Variants in USH2A observed in about 807,000 individuals in gnomAD.
USH2A encodes the protein Usher syndrome 2A (autosomal recessive, mild).
A neutral mutation model predicts 538.9 loss-of-function variants in USH2A; 443 were observed. That is an observed-to-expected ratio of 0.82 (90% CI 0.76 to 0.89). The LOEUF is 0.89. USH2A is among the 40% of genes least tolerant of loss of function. The pLI is 0.00. For missense variants in USH2A, 6,633 were observed against 6,324.8 expected (o/e 1.05, Z -1.65); for synonymous variants, 2,413 against 2,273.5 (o/e 1.06, Z -1.75).
At chr1:216,246,186 ATTC>A (rs2036040984) in intron 13 of USH2A, among the ~76,000 whole-genome samples, 1 of 152,210 alleles carries the variant, frequency 6.6e-6, no homozygotes, top group African/African-American at 2.4e-5. Flanking sequence ...AGCCAGCTTT[ATTC>A]AGAGATTTAG....
chr1:216,311,797 C>A (rs1383383920), intron 9 of USH2A, among the ~76,000 whole-genome samples: 1 of 152,062 alleles, frequency 6.6e-6, no homozygotes, highest in East Asian at 1.9e-4. Flanking sequence ...TAAAAGGTGG[C>A]ATGAGTACCT....
intron 25 of USH2A, 134 bp from the exon 26 acceptor site, chr1:216,083,720 G>T: frequency 1.1e-6 from 1 of 899,348 alleles, no homozygotes; most frequent in Non-Finnish European, 1.7e-6. Flanking sequence ...TCAATGTTAA[G>T]AAATTCCTTT....
At chr1:216,014,085 A>AAGAGAG (rs35678269) in intron 32 of USH2A, among the ~76,000 whole-genome samples, 1 of 145,250 alleles carries the variant, frequency 6.9e-6, no homozygotes, top group Non-Finnish European at 1.5e-5. Context: ...AGCATGAAAA[A>AAGAGAG]AGAGAGAGAG....
chr1:215,689,252 G>A (rs1327442233), intron 61 of USH2A, among the ~76,000 whole-genome samples: 2 of 152,078 alleles, frequency 1.3e-5, no homozygotes, highest in Admixed American at 6.6e-5. Flanking sequence ...CACATTTGAG[G>A]GTCCTTGGAC....
rs1266573598 is a variant in USH2A at position 215,817,119 on chromosome 1, A to G, written c.9448T>C (p.Trp3150Arg). The stretch of plus-strand genomic sequence containing the variant: ...TTTTGAGTTTTAGCGCATGGATACC[A>G]TGTTTTCCATAGGAGATCATATCCA... ...ILGYDLLWKTWYPCAKTQKLV... is the reference protein window; with the variant it reads ...ILGYDLLWKTRYPCAKTQKLV... The change falls in exon 48 of 72, where the codon TGG becomes CGG. Residue 3150 changes from tryptophan to arginine, a missense_variant. Physicochemically the swap from Trp to Arg is moderately radical, Grantham distance 101. Transcript: ENST00000307340. 6.2e-7 allele frequency: 1 copy of G among 1,612,742 alleles called. No homozygotes were observed. Among genetic ancestry groups the G allele is most frequent in the African/African-American group, 1.3e-5 (1 of 74,858 alleles).
intron 21 of USH2A, among the ~76,000 whole-genome samples, chr1:216,166,622 G>A (rs1379879539): frequency 6.6e-6 from 1 of 152,072 alleles, no homozygotes; most frequent in Admixed American, 6.6e-5. Context: ...GCCAGAGGAG[G>A]AATCATTAAT....
intron 21 of USH2A, among the ~76,000 whole-genome samples, chr1:216,120,419 A>G (rs1231252695): frequency 6.6e-6 from 1 of 151,572 alleles, no homozygotes; most frequent in Non-Finnish European, 1.5e-5. Flanking sequence ...TCGCTCTGTC[A>G]CCCAGGCTGG....
intron 47 of USH2A, among the ~76,000 whole-genome samples, chr1:215,837,406 G>T (rs1166952103): frequency 1.3e-5 from 2 of 151,934 alleles, no homozygotes; most frequent in African/African-American, 4.8e-5. Context: ...CTTATTTTCA[G>T]CTTTGGAAAC....
chr1:216,325,546 T>C lies in USH2A; in HGVS notation c.902A>G (p.His301Arg), dbSNP rs758834041. The change falls in exon 6 of 72, where the codon CAT (histidine) becomes CGT (arginine). Residue 301 changes from histidine to arginine, a missense_variant. Transcript: ENST00000307340. ...GDLLRLHAQS[H>R]CRCPGSHPRV... is the part of the protein sequence containing the mutation. ...CGGGTGGCTGCCAGGGCAACGGCAA[T>C]GTGATTGGGCATGCAATCTGAGAAG... is the stretch of plus-strand genomic sequence containing the variant. 1 of 1,613,508 alleles carries C rather than the reference T, an allele frequency of 6.2e-7. No individual in the cohort carries two copies. The highest frequency in any genetic ancestry group is 8.5e-7 in the Non-Finnish European group (1 of 1,179,724).
At chr1:215,865,708 A>G (rs1189603130) in intron 44 of USH2A, among the ~76,000 whole-genome samples, 1 of 152,256 alleles carries the variant, frequency 6.6e-6, no homozygotes, top group East Asian at 1.9e-4. Context: ...AGATCCCAAT[A>G]CAAGTGTCAC....
At chr1:216,362,780 T>C (rs916124984) in intron 4 of USH2A, among the ~76,000 whole-genome samples, 3 of 151,566 alleles carry the variant, frequency 2.0e-5, no homozygotes, top group Admixed American at 2.0e-4. Flanking sequence ...CCATCTCTAC[T>C]AAAAATACAA....
chr1:215,868,689 T>C (rs1246369473), intron 43 of USH2A, among the ~76,000 whole-genome samples: 1 of 152,214 alleles, frequency 6.6e-6, no homozygotes, highest in Non-Finnish European at 1.5e-5. Flanking sequence ...GGCAGCACCA[T>C]AAATTCAATG....
At position 215,674,361 on chromosome 1, in the gene USH2A, C is replaced by A. The variant is rs775570249; in HGVS notation, c.13550G>T (p.Gly4517Val). 9.3e-6 allele frequency: 15 copies of A among 1,613,854 alleles called. No homozygotes were observed. Among genetic ancestry groups the A allele is most frequent in the Admixed American group, 1.7e-5 (1 of 59,994 alleles). ...ATCTTTGACAAGAGGACTCAAAATA[C>A]CCCCTTGGCTGTTGCTGGCAGTTAC... is the stretch of plus-strand genomic sequence containing the variant. ...YTVTASNSQG[G>V]ILSPLVKDRT... Residue 4517 changes from glycine to valine, a missense_variant, in exon 63 of 72, where the codon GGT becomes GTT. Physicochemically the swap from Gly to Val is moderately radical, Grantham distance 109. Transcript: ENST00000307340.
intron 3 of USH2A, among the ~76,000 whole-genome samples, chr1:216,373,771 ACTCT>A (rs71722364): frequency 0.59 from 89,580 of 151,202 alleles, 27,425 homozygotes; most frequent in East Asian, 0.84. Context: ...AGTTGTCATG[ACTCT>A]AAGTTTTCTT....
intron 49 of USH2A, among the ~76,000 whole-genome samples, chr1:215,805,838 A>T (rs763443630): frequency 6.0e-5 from 9 of 149,222 alleles, no homozygotes; most frequent in Non-Finnish European, 1.2e-4. Flanking sequence ...GACCACATTA[A>T]CAGCTTTTGG....
At chr1:215,670,311 TG>T (rs1657772241) in intron 64 of USH2A, among the ~76,000 whole-genome samples, 1 of 151,806 alleles carries the variant, frequency 6.6e-6, no homozygotes, top group African/African-American at 2.4e-5. Flanking sequence ...GAGCAAAGGG[TG>T]GGGGAAGCAC....
chr1:216,002,350 G>C (rs1407034262), intron 32 of USH2A, among the ~76,000 whole-genome samples: 2 of 152,106 alleles, frequency 1.3e-5, no homozygotes, highest in East Asian at 3.9e-4. Flanking sequence ...GCTCTCTGGT[G>C]ACCTTTCTCT....
intron 9 of USH2A, among the ~76,000 whole-genome samples, chr1:216,296,503 A>C (rs888294276): frequency 2.0e-5 from 3 of 152,062 alleles, no homozygotes; most frequent in Non-Finnish European, 4.4e-5. Context: ...TCATCCATGC[A>C]TTAGGAGCAT....
chr1:216,410,822 C>A (rs1434177524), intron 3 of USH2A, among the ~76,000 whole-genome samples: 1 of 152,062 alleles, frequency 6.6e-6, no homozygotes, highest in African/African-American at 2.4e-5. Flanking sequence ...TAATTTAATT[C>A]TTAAACTCCT....
Sources: gnomAD v4.1 joint callset for allele counts (sites outside exome capture counted in the v4.1 genomes callset) on GRCh38, gnomAD v4.1.1 for gene constraint, MANE v1.5 for transcripts, NCBI Gene and HGNC (gene_info 2026-07-23, HGNC 2026-07-21) for gene names.